Variants in ST8SIA1 observed in about 807,000 individuals in gnomAD.
ST8SIA1 encodes the protein ST8 alpha-N-acetyl-neuraminide alpha-2,8-sialyltransferase 1.
A neutral mutation model predicts 35.9 loss-of-function variants in ST8SIA1; 16 were observed. The observed-to-expected ratio is 0.45, with a 90% confidence interval of 0.30 to 0.68. The LOEUF (loss-of-function observed/expected upper bound fraction) is 0.68. ST8SIA1 is among the 30% of genes least tolerant of loss of function. The probability of loss-of-function intolerance (pLI) is 0.09; values close to 1 mark genes in which losing one functional copy is unlikely to be tolerated. For missense variants in ST8SIA1, 383 were observed against 453.6 expected, an observed-to-expected ratio of 0.84 and a Z score of 1.41; for synonymous variants, 170 against 169.6, an observed-to-expected ratio of 1.00 and a Z score of -0.02.
rs757788721 is a variant in ST8SIA1, at chr12:22,320,953, GAAAGAGAAAGAA to G, written c.236+13032_236+13043del. Among the ~76,000 whole-genome samples, 391 of 80,326 alleles carry G rather than the reference GAAAGAGAAAGAA, an allele frequency of 4.9e-3. 4 individuals are homozygous for G. The highest frequency in any genetic ancestry group is 6.7e-3 in the Non-Finnish European group (274 of 40,954). The allele number at this position is 80,326 out of a possible 152,430, so 52.7% of individuals were successfully genotyped here. A position where few individuals can be genotyped will look rare whatever the true frequency, so the allele number is the denominator to read the frequency against. On this transcript the variant is annotated intron_variant, in intron 1 of 4. Transcript: ENST00000396037. ...AGAAAGAAAGAAAGAAAGAAAGAAAGAAAGAGAAAGAAAGAAAGAAAGAAAGAAAGAAAGAAA... is the reference window on the plus strand; with the variant it reads ...AGAAAGAAAGAAAGAAAGAAAGAAAGAGAAAGAAAGAAAGAAAGAAAGAAA...
Position 22,334,552 on chromosome 12 carries a change from C to G in ST8SIA1, c.-320G>C. On this transcript the variant is annotated 5_prime_UTR_variant, in exon 1 of 5. Coordinates refer to ENST00000396037, the MANE Select transcript of ST8SIA1 (RefSeq NM_003034.4). ...CAGAGAGCGGCGGCGGCGAGTCGCT[C>G]CCGCCGGTTCTGCAGCATCACGGTC... 2.5e-6 allele frequency: 1 copy of G among 406,050 alleles called. No homozygotes were observed. The highest frequency in any genetic ancestry group is 2.9e-5 in the South Asian group (1 of 34,056). The allele number at this position is 406,050 out of a possible 1,614,324, so 25.2% of individuals were successfully genotyped here. A position where few individuals can be genotyped will look rare whatever the true frequency, so the allele number is the denominator to read the frequency against.
At chr12:22,246,178 C>G (rs1461249643) in intron 4 of ST8SIA1, among the ~76,000 whole-genome samples, 1 of 152,046 alleles carries the variant, frequency 6.6e-6, no homozygotes, top group Non-Finnish European at 1.5e-5. Flanking sequence ...GGGGGGTAGT[C>G]TTGTGGGACT....
intron 2 of ST8SIA1, among the ~76,000 whole-genome samples, chr12:22,283,047 A>C (rs149393719): frequency 1.1e-3 from 171 of 152,282 alleles, no homozygotes; most frequent in African/African-American, 4.0e-3. Flanking sequence ...CTACTCCAAA[A>C]TATCCTGCTG....
At chr12:22,220,775 A>G (rs2300718) in intron 4 of ST8SIA1, among the ~76,000 whole-genome samples, 115,009 of 152,084 alleles carry the variant, frequency 0.76, 43,664 homozygotes, top group South Asian at 0.91. Flanking sequence ...GCTGTCTCCA[A>G]TGTGGTGAAG....
chr12:22,290,714 GTCAGATTAAATAA>G (rs1175696735), intron 1 of ST8SIA1, among the ~76,000 whole-genome samples: 1 of 152,174 alleles, frequency 6.6e-6, no homozygotes, highest in Non-Finnish European at 1.5e-5. Context: ...CTAGGAAATT[GTCAGATTAAATAA>G]TGGACTTCAC....
At chr12:22,202,738 C>G (rs1028417963) in intron 4 of ST8SIA1, among the ~76,000 whole-genome samples, 6 of 152,020 alleles carry the variant, frequency 3.9e-5, no homozygotes, top group Admixed American at 6.6e-5. Context: ...CTATGGAATA[C>G]AGATGAAAAA....
intron 2 of ST8SIA1, among the ~76,000 whole-genome samples, chr12:22,265,109 G>A (rs989165321): frequency 4.6e-5 from 7 of 152,198 alleles, no homozygotes; most frequent in African/African-American, 9.7e-5. Flanking sequence ...AAGTCCCAAT[G>A]AATTGAAATT....
rs897534337 is a variant in ST8SIA1, at chr12:22,196,492, T to C, written c.*5060A>G. The C allele has an allele frequency of 1.3e-5, 2 of 152,190 alleles. No homozygotes were observed. The highest frequency in any genetic ancestry group is 4.8e-5 in the African/African-American group (2 of 41,450). The allele number at this position is 152,190 out of a possible 1,614,324, so 9.4% of individuals were successfully genotyped here. A position where few individuals can be genotyped will look rare whatever the true frequency, so the allele number is the denominator to read the frequency against. ...GAAAAAAAGCTACAGCAATTATAGA[T>C]TCAAGTCTCCTTCCACTTGCAAAAT... is the stretch of plus-strand genomic sequence containing the variant. On this transcript the variant is annotated 3_prime_UTR_variant, in exon 5 of 5. Coordinates refer to ENST00000396037, the MANE Select transcript of ST8SIA1 (RefSeq NM_003034.4).
intron 2 of ST8SIA1, among the ~76,000 whole-genome samples, chr12:22,260,502 T>A (rs889886715): frequency 8.5e-5 from 13 of 152,164 alleles, no homozygotes; most frequent in African/African-American, 3.1e-4. Flanking sequence ...ATCCTACGGA[T>A]CTTTGTCCAG....
chr12:22,266,409 T>A (rs187837635), intron 2 of ST8SIA1, among the ~76,000 whole-genome samples: 1 of 152,122 alleles, frequency 6.6e-6, no homozygotes, highest in East Asian at 1.9e-4. Context: ...CCAAACTTAT[T>A]ACTGTTGCTA....
chr12:22,220,094 G>A (rs960508109), intron 4 of ST8SIA1, among the ~76,000 whole-genome samples: 1 of 152,080 alleles, frequency 6.6e-6, no homozygotes, highest in Non-Finnish European at 1.5e-5. Flanking sequence ...CTCTACATAA[G>A]CCCAGCAAAA....
At chr12:22,246,142 G>T (rs1865599042) in intron 4 of ST8SIA1, among the ~76,000 whole-genome samples, 1 of 152,192 alleles carries the variant, frequency 6.6e-6, no homozygotes, top group Non-Finnish European at 1.5e-5. Flanking sequence ...AAGCTCCGGA[G>T]GCCTAGACTT....
At chr12:22,282,206 G>A (rs944453039) in intron 2 of ST8SIA1, among the ~76,000 whole-genome samples, 21 of 152,128 alleles carry the variant, frequency 1.4e-4, no homozygotes, top group African/African-American at 4.8e-4. Flanking sequence ...AGACAGGCCA[G>A]GTTTCACATC....
At chr12:22,205,628 T>G (rs1388595843) in intron 4 of ST8SIA1, among the ~76,000 whole-genome samples, 1 of 152,056 alleles carries the variant, frequency 6.6e-6, no homozygotes, top group Non-Finnish European at 1.5e-5. Context: ...AGATAGATAT[T>G]TAAAATCTAG....
At chr12:22,251,711 CA>C (rs1865672206) in intron 3 of ST8SIA1, among the ~76,000 whole-genome samples, 1 of 152,120 alleles carries the variant, frequency 6.6e-6, no homozygotes, top group Admixed American at 6.6e-5. Context: ...GCTGTTGGCA[CA>C]ATTAACAAAT....
chr12:22,305,601 G>A (rs1316795717), intron 1 of ST8SIA1, among the ~76,000 whole-genome samples: 1 of 151,948 alleles, frequency 6.6e-6, no homozygotes, highest in Non-Finnish European at 1.5e-5. Context: ...GGCTGTCCTC[G>A]AACTCCTGAC....
At chr12:22,225,163 C>A (rs888416477) in intron 4 of ST8SIA1, among the ~76,000 whole-genome samples, 1 of 152,132 alleles carries the variant, frequency 6.6e-6, no homozygotes, top group African/African-American at 2.4e-5. Context: ...ACCTCGATTT[C>A]AAAATTCTAG....
At position 22,243,984 on chromosome 12, in the gene ST8SIA1, C is replaced by T. The variant is rs369004114; in HGVS notation, c.584+5022G>A. Among the ~76,000 whole-genome samples the T allele has an allele frequency of 1.8e-4, 27 of 151,760 alleles. 1 individual carries two copies. The highest frequency in any genetic ancestry group is 1.3e-3 in the South Asian group (6 of 4,782). On this transcript the variant is annotated intron_variant, in intron 4 of 4. Coordinates refer to ENST00000396037, the MANE Select transcript of ST8SIA1 (RefSeq NM_003034.4). The stretch of plus-strand genomic sequence containing the variant: ...GGCAGAGGTTGCAGTGAGCCAAGAT[C>T]GCACCACTGTACTCCAGTCCGGGCA...
At chr12:22,237,871 T>G (rs1302889151) in intron 4 of ST8SIA1, among the ~76,000 whole-genome samples, 2 of 152,238 alleles carry the variant, frequency 1.3e-5, no homozygotes, top group African/African-American at 4.8e-5. Context: ...TTTCAAAGTA[T>G]CAACTTTGGC....
Sources: gnomAD v4.1 joint callset for allele counts (sites outside exome capture counted in the v4.1 genomes callset) on GRCh38, gnomAD v4.1.1 for gene constraint, MANE v1.5 for transcripts, NCBI Gene and HGNC (gene_info 2026-07-23, HGNC 2026-07-21) for gene names.